ARHGEF11: variants seen among roughly 807,000 people sequenced by gnomAD.
The protein encoded by ARHGEF11 is Rho guanine exchange factor (GEF) 11.
In ARHGEF11, 55 loss-of-function variants were observed where a neutral mutation model predicts 193.7. The observed-to-expected ratio is 0.28, with a 90% confidence interval of 0.23 to 0.36. The LOEUF is 0.36. Ranked by LOEUF, ARHGEF11 falls within the 10% of genes least tolerant of loss-of-function variation. The probability of loss-of-function intolerance (pLI) is 1.00; values close to 1 mark genes in which losing one functional copy is unlikely to be tolerated. For missense variants in ARHGEF11, 1,723 were observed against 2,005.6 expected, an observed-to-expected ratio of 0.86 and a Z score of 2.69; for synonymous variants, 693 against 768.0, an observed-to-expected ratio of 0.90 and a Z score of 1.62.
chr1:156,937,333 G>C lies in ARHGEF11; in HGVS notation c.4356C>G (p.Arg1452=). Residue 1452 remains arginine (R), a synonymous_variant, in exon 39 of 41, where the codon CGC becomes CGG. Coordinates refer to ENST00000368194, the MANE Select transcript of ARHGEF11 (RefSeq NM_198236.3). The stretch of plus-strand genomic sequence containing the variant: ...CCCTGAGGGCCAGGCTTGGAGGAGA[G>C]CGGCTGGGGCGTCTTGGATCATCGT... ...GGNDDPRRPS[R]SPPSLALRDV... 3.7e-6 allele frequency: 6 copies of C among 1,613,750 alleles called. No homozygotes were observed. Among genetic ancestry groups the C allele is most frequent in the Non-Finnish European group, 5.1e-6 (6 of 1,179,848 alleles).
chr1:156,943,658 AC>A (rs1340610031), intron 32 of ARHGEF11, among the ~76,000 whole-genome samples: 2 of 151,996 alleles, frequency 1.3e-5, no homozygotes, highest in African/African-American at 4.8e-5. Flanking sequence ...AGACACTCTC[AC>A]CCATCCTGGG....
chr1:157,023,733 T>G (rs1299102297), intron 1 of ARHGEF11, among the ~76,000 whole-genome samples: 1 of 144,688 alleles, frequency 6.9e-6, no homozygotes, highest in Non-Finnish European at 1.5e-5. Flanking sequence ...GCCATTGCAC[T>G]CCAGCCTGGG....
At position 156,956,493 on chromosome 1, in the gene ARHGEF11, G is replaced by A. The variant is rs1347903817; in HGVS notation, c.1598C>T (p.Ser533Phe). 1.2e-6 allele frequency: 2 copies of A among 1,614,162 alleles called. No individual in the cohort carries two copies. The highest frequency in any genetic ancestry group is 1.7e-6 in the Non-Finnish European group (2 of 1,180,038). Reference sequence around the variant, plus strand: ...AGACTGGGCCTTTTCAGCTGTGTTGGAAGGTCGTGCCTCTCGAAGACGGAT... The same window carrying A: ...AGACTGGGCCTTTTCAGCTGTGTTGAAAGGTCGTGCCTCTCGAAGACGGAT... ...AGIRLREARP[S>F]NTAEKAQSAP... The change falls in exon 19 of 41, where the codon TCC becomes TTC. Residue 533 changes from serine to phenylalanine, a missense_variant. This residue lies in a region of ARHGEF11 where 646 missense variants were observed against 710.7 expected (regional missense o/e 0.91). Coordinates refer to ENST00000368194, the MANE Select transcript of ARHGEF11 (RefSeq NM_198236.3).
chr1:156,962,747 C>G (rs1215587157), intron 13 of ARHGEF11, among the ~76,000 whole-genome samples: 1 of 151,804 alleles, frequency 6.6e-6, no homozygotes, highest in Non-Finnish European at 1.5e-5. Context: ...GGCATGGTGA[C>G]GGGCGCCTGT....
intron 1 of ARHGEF11, 113 bp downstream of exon 1, chr1:157,044,186 A>G: frequency 7.9e-6 from 8 of 1,006,974 alleles, no homozygotes; most frequent in Non-Finnish European, 1.3e-5. Flanking sequence ...TAGCCCACCA[A>G]TTCCCATAGC....
chr1:157,008,762 A>C (rs970580692), intron 1 of ARHGEF11, among the ~76,000 whole-genome samples: 2 of 152,164 alleles, frequency 1.3e-5, no homozygotes, highest in Non-Finnish European at 2.9e-5. Context: ...AAATAACAAC[A>C]CTAGAAGAAG....
intron 18 of ARHGEF11, among the ~76,000 whole-genome samples, chr1:156,957,427 G>A (rs1246845673): frequency 1.3e-5 from 2 of 152,194 alleles, no homozygotes; most frequent in Admixed American, 6.5e-5. Context: ...CTGATTCCAC[G>A]ATTACTGTTA....
At chr1:157,032,659 C>G (rs1258695052) in intron 1 of ARHGEF11, among the ~76,000 whole-genome samples, 1 of 152,066 alleles carries the variant, frequency 6.6e-6, no homozygotes, top group African/African-American at 2.4e-5. Flanking sequence ...GATGAAACTT[C>G]ATGAAAGAAT....
intron 1 of ARHGEF11, among the ~76,000 whole-genome samples, chr1:157,037,818 G>A (rs1026245722): frequency 1.3e-5 from 2 of 151,906 alleles, no homozygotes; most frequent in African/African-American, 4.8e-5. Flanking sequence ...TTTACTTGAG[G>A]TCAGGAGTTC....
rs545702532 is a variant in ARHGEF11, at chr1:157,037,962, G to A, written c.32+6337C>T. Among the ~76,000 whole-genome samples, 5 of 148,620 alleles carry A rather than the reference G, an allele frequency of 3.4e-5. No homozygotes were observed. The South Asian group carries it at 1.1e-3, about 32-fold the overall frequency. On this transcript the variant is annotated intron_variant, in intron 1 of 40. Transcript: ENST00000368194. ...GCAGAGAATCGCTTGAACCCAGGAGGTGGAGGTTGCAGTGAGCCGAGATCA... is the reference window on the plus strand; with the variant it reads ...GCAGAGAATCGCTTGAACCCAGGAGATGGAGGTTGCAGTGAGCCGAGATCA...
At chr1:157,018,097 C>T (rs1411189761) in intron 1 of ARHGEF11, among the ~76,000 whole-genome samples, 2 of 151,976 alleles carry the variant, frequency 1.3e-5, no homozygotes, top group Non-Finnish European at 2.9e-5. Flanking sequence ...AAAATAGCCT[C>T]AAAAATATGA....
chr1:156,962,878 CAAAAAAAAAAAAAAA>C (rs59159449), intron 13 of ARHGEF11, among the ~76,000 whole-genome samples: 3 of 21,272 alleles, frequency 1.4e-4, no homozygotes, highest in Non-Finnish European at 1.8e-4. Context: ...GACTCCGTCT[CAAAAAAAAAAAAAAA>C]AAAAAAAAAA....
At chr1:156,957,998 G>A (rs1355238360) in intron 17 of ARHGEF11, among the ~76,000 whole-genome samples, 183 bp from the exon 18 acceptor site, 1 of 152,246 alleles carries the variant, frequency 6.6e-6, no homozygotes, top group Non-Finnish European at 1.5e-5. Flanking sequence ...TATTTGCCGA[G>A]TTGAAATATC....
At chr1:156,989,682 C>T (rs1460947387) in intron 1 of ARHGEF11, among the ~76,000 whole-genome samples, 1 of 152,182 alleles carries the variant, frequency 6.6e-6, no homozygotes, top group Non-Finnish European at 1.5e-5. Context: ...TTTTCAAGGT[C>T]CTGATCAAAT....
rs556920027 is a variant in ARHGEF11, at chr1:157,040,385, CAG to C, written c.32+3912_32+3913del. On this transcript the variant is annotated intron_variant, in intron 1 of 40. Transcript: ENST00000368194. Reference sequence around the variant, plus strand: ...AGCCAAGGTGCGAAGAGACCCCTGACAGAGAACAGTTGCTGGGTCTAGATTTA... The same window carrying C: ...AGCCAAGGTGCGAAGAGACCCCTGACAGAACAGTTGCTGGGTCTAGATTTA... Among the ~76,000 whole-genome samples the C allele has an allele frequency of 1.9e-4, 29 of 152,344 alleles. No homozygotes were observed. The South Asian group carries it at 5.8e-3, about 30-fold the overall frequency.
In ARHGEF11 at chr1:157,007,849, TTTC is replaced by T. The variant is rs142106464; in HGVS notation, c.33-21679_33-21677del. ...TACACAGTAATATCTAACAAATAACTTTCTTATTTAATTTGTTTAGAATGTAAT... is the reference window on the plus strand; with the variant it reads ...TACACAGTAATATCTAACAAATAACTTTATTTAATTTGTTTAGAATGTAAT... On this transcript the variant is annotated intron_variant, in intron 1 of 40. Transcript: ENST00000368194. Among the ~76,000 whole-genome samples the T allele has an allele frequency of 7.7e-3, 1,173 of 152,144 alleles. 14 individuals carry two copies. Among genetic ancestry groups the T allele is most frequent in the African/African-American group, 0.025 (1,051 of 41,490 alleles).
At chr1:157,009,495 C>A (rs1668298155) in intron 1 of ARHGEF11, among the ~76,000 whole-genome samples, 1 of 152,216 alleles carries the variant, frequency 6.6e-6, no homozygotes. Context: ...AAAGTGCCAA[C>A]TGTACACAGA....
At chr1:156,957,161 G>A (rs1660068652) in intron 18 of ARHGEF11, among the ~76,000 whole-genome samples, 1 of 152,158 alleles carries the variant, frequency 6.6e-6, no homozygotes, top group African/African-American at 2.4e-5. Context: ...CAATTTGCTG[G>A]ATGGATGATG....
At chr1:156,968,786 T>A (rs990079401) in intron 10 of ARHGEF11, among the ~76,000 whole-genome samples, 5 of 152,238 alleles carry the variant, frequency 3.3e-5, no homozygotes, top group Admixed American at 3.3e-4. Context: ...CTGGAAGAGA[T>A]AACCTTTGAG....
Sources: gnomAD v4.1 joint callset for allele counts (sites outside exome capture counted in the v4.1 genomes callset) on GRCh38, gnomAD v4.1.1 for gene constraint, gnomAD v4.1.1 regional missense constraint, MANE v1.5 for transcripts, NCBI Gene and HGNC (gene_info 2026-07-23, HGNC 2026-07-21) for gene names.